RAPGEF5: variants seen among roughly 807,000 people sequenced by gnomAD.
RAPGEF5 encodes the protein M-Ras-regulated GEF.
Under a neutral mutation model 125.2 loss-of-function variants are expected in RAPGEF5, and 65 were observed. The ratio of observed to expected loss-of-function variants is 0.52; its 90% CI spans 0.43 to 0.64. RAPGEF5 has a LOEUF of 0.64. Among genes scored for constraint, RAPGEF5 ranks in the 30% least tolerant of loss-of-function variants. The probability of loss-of-function intolerance (pLI) is 0.00; values close to 1 mark genes in which losing one functional copy is unlikely to be tolerated. For synonymous variants in RAPGEF5, 391 were observed against 385.9 expected (o/e 1.01, Z -0.16); for missense variants, 958 against 1,048.1 (o/e 0.91, Z 1.19).
intron 7 of RAPGEF5, among the ~76,000 whole-genome samples, chr7:22,263,375 G>T (rs1304388674): frequency 6.6e-6 from 1 of 152,180 alleles, no homozygotes; most frequent in Non-Finnish European, 1.5e-5. Context: ...CATATAAGAT[G>T]ATCCTTTTAT....
In RAPGEF5 at chr7:22,219,925, C is replaced by G. The variant is rs752597853; in HGVS notation, c.937G>C (p.Ala313Pro). Reference sequence around the variant, plus strand: ...TGCAAAAACTGATAGTTTTCTTTTGCCAGCTTCTGGACTAGTTCAATTCGT... The same window carrying G: ...TGCAAAAACTGATAGTTTTCTTTTGGCAGCTTCTGGACTAGTTCAATTCGT... Reference protein sequence around the residue: ...IGRIELVQKLAKENYQFLQTD... With the variant: ...IGRIELVQKLPKENYQFLQTD... The change falls in exon 9 of 26, where the codon GCA (alanine) becomes CCA (proline). Residue 313 changes from alanine (A) to proline (P), a missense_variant. Ala to Pro is a conservative substitution (Grantham distance 27, BLOSUM62 -1). Coordinates refer to ENST00000665637, the MANE Select transcript of RAPGEF5 (RefSeq NM_012294.5). 2.5e-6 allele frequency: 4 copies of G among 1,613,400 alleles called. No individual in the cohort carries two copies. Among genetic ancestry groups the G allele is most frequent in the Non-Finnish European group, 3.4e-6 (4 of 1,179,506 alleles).
chr7:22,242,976 A>G (rs948475442), intron 7 of RAPGEF5, among the ~76,000 whole-genome samples: 1 of 151,830 alleles, frequency 6.6e-6, no homozygotes, highest in African/African-American at 2.4e-5. Flanking sequence ...GAAAGAAAGA[A>G]AGAAAGAAAC....
At chr7:22,249,440 T>A (rs771751731) in intron 7 of RAPGEF5, among the ~76,000 whole-genome samples, 23 of 152,062 alleles carry the variant, frequency 1.5e-4, no homozygotes, top group Non-Finnish European at 3.2e-4. Flanking sequence ...TCTCTCCACC[T>A]CGGCTTCCCA....
At chr7:22,253,603 C>G (rs1341711219) in intron 7 of RAPGEF5, among the ~76,000 whole-genome samples, 3 of 152,092 alleles carry the variant, frequency 2.0e-5, no homozygotes, top group African/African-American at 7.2e-5. Flanking sequence ...TATTAGAACA[C>G]TCAGCAATTA....
chr7:22,257,560 A>G (rs1462709462), intron 7 of RAPGEF5, among the ~76,000 whole-genome samples: 1 of 152,218 alleles, frequency 6.6e-6, no homozygotes, highest in East Asian at 1.9e-4. Context: ...AGGGTTTGAT[A>G]AAGGAACAAA....
chr7:22,216,312 T>A (rs565470169), intron 9 of RAPGEF5, among the ~76,000 whole-genome samples: 131 of 152,316 alleles, frequency 8.6e-4, no homozygotes, highest in African/African-American at 2.9e-3. Flanking sequence ...AAAAGGCAAG[T>A]TTAAGCTCCT....
At position 22,119,684 on chromosome 7, in the gene RAPGEF5, C is replaced by T. The variant is rs1040623374; in HGVS notation, c.*2722G>A. ...GAGCCCACTTAGAAGTGCCCCTGCA[C>T]CACCTGGTGCCGAAGGTGCCAGATT... is the stretch of plus-strand genomic sequence containing the variant. On this transcript the variant is annotated 3_prime_UTR_variant, in exon 26 of 26. Transcript: ENST00000665637. This position sits in a 1 kb window ranked among gnomAD's most constrained non-coding sequence, Gnocchi z 4.1. 1.4e-4 allele frequency: 22 copies of T among 152,194 alleles called. No homozygotes were observed. The highest frequency in any genetic ancestry group is 3.9e-4 in the African/African-American group (16 of 41,444). The allele number at this position is 152,194 out of a possible 1,614,324, so 9.4% of individuals were successfully genotyped here. A position where few individuals can be genotyped will look rare whatever the true frequency, so the allele number is the denominator to read the frequency against.
intron 18 of RAPGEF5, among the ~76,000 whole-genome samples, chr7:22,147,303 T>C (rs1783475431): frequency 6.6e-6 from 1 of 152,180 alleles, no homozygotes; most frequent in Non-Finnish European, 1.5e-5. Context: ...AATCTGATTA[T>C]AAAACACTGC....
At chr7:22,265,203 A>G (rs1036105335) in intron 7 of RAPGEF5, among the ~76,000 whole-genome samples, 1 of 152,164 alleles carries the variant, frequency 6.6e-6, no homozygotes, top group Non-Finnish European at 1.5e-5. Flanking sequence ...GCTATTGAAC[A>G]GTAGAGAATT....
chr7:22,201,504 C>A (rs553722276), intron 9 of RAPGEF5, among the ~76,000 whole-genome samples: 1 of 152,356 alleles, frequency 6.6e-6, no homozygotes, highest in South Asian at 2.1e-4. Flanking sequence ...CCATATTGGT[C>A]ATGTATTTCT....
chr7:22,226,661 T>A (rs976770872), intron 8 of RAPGEF5, among the ~76,000 whole-genome samples: 2 of 152,074 alleles, frequency 1.3e-5, no homozygotes, highest in Non-Finnish European at 2.9e-5. Flanking sequence ...AGGTGAGGAA[T>A]CCCTAGGGAG....
At chr7:22,337,628 C>T (rs941338892) in intron 1 of RAPGEF5, among the ~76,000 whole-genome samples, 79 of 152,282 alleles carry the variant, frequency 5.2e-4, no homozygotes, top group South Asian at 2.1e-4. Context: ...GCCCACGGCC[C>T]GGAATGACCC....
Position 22,348,825 on chromosome 7 carries a change from G to A in RAPGEF5, c.231+8005C>T, listed in dbSNP as rs554428030. On this transcript the variant is annotated intron_variant, in intron 1 of 25. Transcript: ENST00000665637. Reference sequence around the variant, plus strand: ...TGATGGATTGGGTACGGTGGCTCACGCCTGTAATCCCAAAACTTTTGGAGG... The same window carrying A: ...TGATGGATTGGGTACGGTGGCTCACACCTGTAATCCCAAAACTTTTGGAGG... Among the ~76,000 whole-genome samples the A allele has an allele frequency of 6.1e-4, 93 of 152,238 alleles. 1 individual carries two copies. The highest frequency in any genetic ancestry group is 5.8e-3 in the Admixed American group (88 of 15,296).
chr7:22,288,672 G>C (rs1018139860), intron 6 of RAPGEF5, among the ~76,000 whole-genome samples: 1 of 151,890 alleles, frequency 6.6e-6, no homozygotes, highest in Non-Finnish European at 1.5e-5. Context: ...ACAGGTGCCC[G>C]CCACCACGCC....
intron 1 of RAPGEF5, among the ~76,000 whole-genome samples, chr7:22,343,479 A>G (rs1401422298): frequency 1.3e-5 from 2 of 152,224 alleles, no homozygotes; most frequent in Non-Finnish European, 2.9e-5. Flanking sequence ...TCATTTATTA[A>G]GACAAGGTAT....
intron 5 of RAPGEF5, among the ~76,000 whole-genome samples, chr7:22,293,286 A>G (rs1331548594): frequency 6.6e-6 from 1 of 152,072 alleles, no homozygotes; most frequent in Admixed American, 6.5e-5. Flanking sequence ...TGGGTACCTT[A>G]CAGGCTAACT....
intron 7 of RAPGEF5, among the ~76,000 whole-genome samples, chr7:22,241,699 C>T (rs1451263411): frequency 1.3e-5 from 2 of 152,088 alleles, no homozygotes; most frequent in Admixed American, 1.3e-4. Flanking sequence ...TATTATTATA[C>T]AAAACATGGT....
chr7:22,147,178 C>A (rs903163504), intron 18 of RAPGEF5, among the ~76,000 whole-genome samples, 159 bp from the exon 19 acceptor site: 3 of 152,168 alleles, frequency 2.0e-5, no homozygotes, highest in African/African-American at 7.2e-5. Context: ...TGAGTTACAG[C>A]CAATTTAGGA....
At chr7:22,157,743 G>A (rs1783854193) in intron 15 of RAPGEF5, 112 bp downstream of exon 15, 9 of 1,229,020 alleles carry the variant, frequency 7.3e-6, no homozygotes, top group Non-Finnish European at 1.1e-5. Flanking sequence ...GCCCCGCCTT[G>A]TCGTGTTCTG....
Sources: allele counts gnomAD v4.1 joint callset (sites outside exome capture counted in the v4.1 genomes callset), GRCh38; gene constraint gnomAD v4.1.1; non-coding constraint Gnocchi (gnomAD v3.1); transcripts MANE v1.5; gene names NCBI Gene and HGNC (gene_info 2026-07-23, HGNC 2026-07-21).